Variants in MAPRE2 observed in about 807,000 individuals in gnomAD.
MAPRE2 encodes the protein microtubule associated protein RP/EB family member 2.
In MAPRE2, 13 loss-of-function variants were observed where a neutral mutation model predicts 43.2. The ratio of observed to expected loss-of-function variants is 0.30; its 90% CI spans 0.20 to 0.48. The LOEUF is 0.48. MAPRE2 is among the 20% of genes least tolerant of loss of function. MAPRE2 has a pLI of 0.99. For synonymous variants in MAPRE2, 135 were observed against 148.8 expected, an observed-to-expected ratio of 0.91 and a Z score of 0.68; for missense variants, 161 against 400.2, an observed-to-expected ratio of 0.40 and a Z score of 5.10.
At chr18:35,094,352 A>G (rs1433751313) in intron 2 of MAPRE2, among the ~76,000 whole-genome samples, 1 of 152,242 alleles carries the variant, frequency 6.6e-6, no homozygotes, top group African/African-American at 2.4e-5. Flanking sequence ...GCATGATAAA[A>G]TTTAGGAAAA....
rs78496133 is a variant in MAPRE2, at chr18:35,129,529, G to C, written c.750+2442G>C. Reference sequence around the variant, plus strand: ...ACTATGCTAGACCATTCCCATGATAGAAATGAATCAAAAGATTTAGGAAAA... The same window carrying C: ...ACTATGCTAGACCATTCCCATGATACAAATGAATCAAAAGATTTAGGAAAA... On this transcript the variant is annotated intron_variant, in intron 5 of 6. Coordinates refer to ENST00000300249, the MANE Select transcript of MAPRE2 (RefSeq NM_014268.4). 4.5e-4 allele frequency among the ~76,000 whole-genome samples: 68 copies of C among 152,292 alleles called. No individual in the cohort carries two copies. The East Asian group carries it at 0.013, about 28-fold the overall frequency.
chr18:35,095,088 T>A (rs1025973415), intron 2 of MAPRE2, among the ~76,000 whole-genome samples: 7 of 152,162 alleles, frequency 4.6e-5, no homozygotes, highest in African/African-American at 1.7e-4. Context: ...CCATACTTTA[T>A]ATCATAGACA....
chr18:35,042,336 G>C (rs1395071960), intron 1 of MAPRE2, among the ~76,000 whole-genome samples: 1 of 152,056 alleles, frequency 6.6e-6, no homozygotes, highest in Non-Finnish European at 1.5e-5. Context: ...CCACCGCTTG[G>C]GTGGGGGAGC....
intron 2 of MAPRE2, among the ~76,000 whole-genome samples, chr18:35,075,408 T>A (rs564405904): frequency 6.6e-6 from 1 of 152,322 alleles, no homozygotes; most frequent in East Asian, 1.9e-4. Flanking sequence ...TCAGGACAGG[T>A]TACCGATGAA....
chr18:35,086,135 G>A (rs1907866463), intron 2 of MAPRE2, among the ~76,000 whole-genome samples: 1 of 152,106 alleles, frequency 6.6e-6, no homozygotes, highest in Admixed American at 6.5e-5. Flanking sequence ...GGCCTGTGAG[G>A]AAATCAGATG....
chr18:35,034,291 G>T (rs534343271), intron 2 of MAPRE2, among the ~76,000 whole-genome samples: 3 of 152,330 alleles, frequency 2.0e-5, no homozygotes, highest in Admixed American at 2.0e-4. Context: ...AAATGGTGCT[G>T]GGAAAACTGG....
chr18:35,069,291 A>G (rs1490783854), intron 1 of MAPRE2, among the ~76,000 whole-genome samples: 7 of 152,254 alleles, frequency 4.6e-5, no homozygotes, highest in African/African-American at 1.7e-4. Context: ...TCCAGATTCA[A>G]GCAATCTGAA....
chr18:35,068,254 A>G (rs937269772), intron 1 of MAPRE2, among the ~76,000 whole-genome samples: 5 of 152,180 alleles, frequency 3.3e-5, no homozygotes, highest in African/African-American at 9.7e-5. Flanking sequence ...TATTACTTCT[A>G]TATCTGTAAA....
chr18:35,065,845 C>A (rs1015524429), intron 1 of MAPRE2, among the ~76,000 whole-genome samples: 1 of 152,186 alleles, frequency 6.6e-6, no homozygotes, highest in Non-Finnish European at 1.5e-5. Flanking sequence ...TGAGCCACCG[C>A]GCCTGGCCTG....
chr18:35,108,342 G>A (rs187983220), intron 4 of MAPRE2, among the ~76,000 whole-genome samples: 1 of 152,270 alleles, frequency 6.6e-6, no homozygotes, highest in Non-Finnish European at 1.5e-5. Context: ...TGGTATATAT[G>A]TACCACATTT....
In MAPRE2 at chr18:35,049,955, G is replaced by C. The variant is rs553863142; in HGVS notation, c.122+8294G>C. Among the ~76,000 whole-genome samples the C allele has an allele frequency of 3.3e-5, 5 of 152,198 alleles. No homozygotes were observed. The South Asian group carries it at 8.3e-4, about 25-fold the overall frequency. On this transcript the variant is annotated intron_variant, in intron 1 of 6. Coordinates refer to ENST00000300249, the MANE Select transcript of MAPRE2 (RefSeq NM_014268.4). Reference sequence around the variant, plus strand: ...TCAAAAAGTCGAGGAAAAGTAAAAGGCTTATTTATCTGTTTTGCTCTTCCA... The same window carrying C: ...TCAAAAAGTCGAGGAAAAGTAAAAGCCTTATTTATCTGTTTTGCTCTTCCA...
At chr18:35,042,924 C>CA (rs10549925) in intron 1 of MAPRE2, among the ~76,000 whole-genome samples, 24 of 149,706 alleles carry the variant, frequency 1.6e-4, no homozygotes, top group East Asian at 5.8e-4. Flanking sequence ...TTTGTTGACT[C>CA]AAAAAAAAAA....
chr18:35,044,226 C>T (rs915804935), intron 1 of MAPRE2, among the ~76,000 whole-genome samples: 2 of 152,042 alleles, frequency 1.3e-5, no homozygotes, highest in Non-Finnish European at 2.9e-5. Context: ...TTATCTTAGG[C>T]TTTCTTTTCT....
intron 5 of MAPRE2, among the ~76,000 whole-genome samples, chr18:35,130,347 A>T (rs1569015520): frequency 6.6e-6 from 1 of 152,210 alleles, no homozygotes; most frequent in African/African-American, 2.4e-5. Flanking sequence ...ACAAATGTGC[A>T]AGCTATAGTA....
At chr18:35,097,415 T>C in intron 2 of MAPRE2, 31 bp from the exon 3 acceptor site, 3 of 1,601,102 alleles carry the variant, frequency 1.9e-6, no homozygotes, top group Non-Finnish European at 2.6e-6. Context: ...ACAGTGAGAC[T>C]CACTCCAGTA....
intron 1 of MAPRE2, among the ~76,000 whole-genome samples, chr18:34,991,173 C>A (rs1031711589): frequency 6.6e-6 from 1 of 152,128 alleles, no homozygotes; most frequent in South Asian, 2.1e-4. Flanking sequence ...CCACCTCCTC[C>A]TGCCTCTTTC....
intron 2 of MAPRE2, among the ~76,000 whole-genome samples, chr18:35,018,258 G>A (rs755613912): frequency 3.4e-4 from 52 of 151,866 alleles, no homozygotes; most frequent in Admixed American, 6.6e-4. Context: ...AGGGATATTG[G>A]CATGTAGTTT....
intron 2 of MAPRE2, among the ~76,000 whole-genome samples, chr18:35,091,530 C>T (rs1908149206): frequency 6.6e-6 from 1 of 152,056 alleles, no homozygotes; most frequent in Non-Finnish European, 1.5e-5. Flanking sequence ...CAAAAAATAC[C>T]AATGGCATTC....
In MAPRE2 at chr18:35,114,658, T is replaced by A. The variant is rs376595285; in HGVS notation, c.611-12290T>A. ...AAGGATAGATGCAATTGGCATGTAT[T>A]TGGGCACTCAGAGTCTGTTCCTTCA... On this transcript the variant is annotated intron_variant, in intron 4 of 6. Coordinates refer to ENST00000300249, the MANE Select transcript of MAPRE2 (RefSeq NM_014268.4). Among the ~76,000 whole-genome samples the A allele has an allele frequency of 2.2e-3, 342 of 152,320 alleles. 3 individuals are homozygous for A. Among genetic ancestry groups the A allele is most frequent in the South Asian group, 8.7e-3 (42 of 4,830 alleles).
Sources: gnomAD v4.1 joint callset for allele counts (sites outside exome capture counted in the v4.1 genomes callset) on GRCh38, gnomAD v4.1.1 for gene constraint, MANE v1.5 for transcripts, NCBI Gene and HGNC (gene_info 2026-07-23, HGNC 2026-07-21) for gene names.